Variants in ABCA6 observed in about 807,000 individuals in gnomAD.
ABCA6 encodes ATP-binding cassette sub-family A member 6.
In ABCA6, 164 loss-of-function variants were observed where a neutral mutation model predicts 191.2. That is an observed-to-expected ratio of 0.86 (90% CI 0.76 to 0.98). ABCA6 has a LOEUF of 0.98. ABCA6 is among the 50% of genes least tolerant of loss of function. The pLI, the probability that ABCA6 is intolerant of heterozygous loss-of-function variation, is 0.00. For missense variants in ABCA6, 1,958 were observed against 1,894.1 expected (o/e 1.03, Z -0.63); for synonymous variants, 636 against 647.7 (o/e 0.98, Z 0.27).
At chr17:69,086,566 C>T (rs1427903377) in intron 30 of ABCA6, 52 bp downstream of exon 30, 6 of 1,203,588 alleles carry the variant, frequency 5.0e-6, no homozygotes, top group Admixed American at 1.8e-5. Context: ...CATAGATGTT[C>T]GGTAGGTAGT....
chr17:69,136,495 T>C (rs1037906534), intron 3 of ABCA6, among the ~76,000 whole-genome samples: 1 of 152,150 alleles, frequency 6.6e-6, no homozygotes, highest in Admixed American at 6.6e-5. Context: ...AAGTTTTAGG[T>C]ACATAAAGAA....
At chr17:69,120,407 T>C (rs2073618949) in intron 10 of ABCA6, among the ~76,000 whole-genome samples, 1 of 152,050 alleles carries the variant, frequency 6.6e-6, no homozygotes, top group South Asian at 2.1e-4. Context: ...AACACTTCTA[T>C]TGACTAAATA....
chr17:69,126,073 T>C (rs1004386848), intron 8 of ABCA6, among the ~76,000 whole-genome samples: 10 of 151,842 alleles, frequency 6.6e-5, no homozygotes, highest in African/African-American at 2.4e-4. Flanking sequence ...GAAAAAGAAA[T>C]AAAAAGCATA....
At chr17:69,128,484 TAAC>T in intron 8 of ABCA6, 132 bp downstream of exon 8, 1 of 558,610 alleles carries the variant, frequency 1.8e-6, no homozygotes. Flanking sequence ...AATGTAATAA[TAAC>T]ATTTTAAAGC....
intron 15 of ABCA6, 64 bp from the exon 16 acceptor site, chr17:69,112,337 A>G: frequency 7.6e-7 from 1 of 1,315,210 alleles, no homozygotes; most frequent in Non-Finnish European, 1.1e-6. Flanking sequence ...CTAGTAAAGA[A>G]AGACGAGGAG....
At position 69,090,296 on chromosome 17, in the gene ABCA6, T is replaced by G. The variant is rs191810847; in HGVS notation, c.3529-754A>C. ...CAGAGTGGTACAGAGCTCCAAAAAG[T>G]GTGTTCTCCACTTAACTTTCTTGCC... On this transcript the variant is annotated intron_variant, in intron 26 of 38. Transcript: ENST00000284425. 3.3e-5 allele frequency among the ~76,000 whole-genome samples: 5 copies of G among 152,324 alleles called. No homozygotes were observed. The East Asian group carries it at 9.6e-4, about 29-fold the overall frequency.
In ABCA6 at chr17:69,107,786, A is replaced by G; in HGVS notation, c.2299T>C (p.Ser767Pro). 6.2e-7 allele frequency: 1 copy of G among 1,611,720 alleles called. No individual in the cohort carries two copies. The highest frequency in any genetic ancestry group is 8.5e-7 in the Non-Finnish European group (1 of 1,178,826). ...TCATAACCTGTCACTCCCTGGTCAGAACACTTATCCAGATCACTGAAAAGA... is the reference window on the plus strand; with the variant it reads ...TCATAACCTGTCACTCCCTGGTCAGGACACTTATCCAGATCACTGAAAAGA... ...PDLFSDLDKC[S>P]DQGVTGYDIS... Residue 767 changes from serine to proline, a missense_variant, in exon 18 of 39, where the codon TCT (serine) becomes CCT (proline). Physicochemically the swap from Ser to Pro is moderately conservative, Grantham distance 74 (BLOSUM62 -1). Transcript: ENST00000284425.
chr17:69,087,425 T>C lies in ABCA6; in HGVS notation c.3747A>G (p.Ile1249Met). 6.2e-7 allele frequency: 1 copy of C among 1,614,008 alleles called. No individual in the cohort carries two copies. The highest frequency in any genetic ancestry group is 1.1e-5 in the South Asian group (1 of 91,086). The change falls in exon 29 of 39, where the codon ATA becomes ATG. Residue 1249 changes from isoleucine to methionine, a missense_variant. By Grantham distance (10) the Ile-to-Met change is conservative. Coordinates refer to ENST00000284425, the MANE Select transcript of ABCA6 (RefSeq NM_080284.3). ...RDAKPNPEEP[I>M]DEDEDIQTER... ...CTGTTTGAATATCTTCATCTTCATC[T>C]ATGGGTTCTTCTGGATTTGGCTTAG...
intron 5 of ABCA6, 93 bp from the exon 6 acceptor site, chr17:69,133,960 C>A: frequency 1.1e-6 from 1 of 911,432 alleles, no homozygotes; most frequent in South Asian, 2.0e-5. Flanking sequence ...TATGTCGGTT[C>A]TCCAATTTTT....
intron 6 of ABCA6, 49 bp downstream of exon 6, chr17:69,133,589 GCTT>G (rs2073900991): frequency 1.5e-6 from 2 of 1,313,066 alleles, no homozygotes; most frequent in South Asian, 1.4e-5. Flanking sequence ...CTTTTTCACT[GCTT>G]CTTAATTTTC....
chr17:69,100,992 G>T, intron 21 of ABCA6, 58 bp from the exon 22 acceptor site: 1 of 1,411,348 alleles, frequency 7.1e-7, no homozygotes, highest in Non-Finnish European at 9.6e-7. Flanking sequence ...ACAAAGGCAA[G>T]GTTTATGTAT....
In ABCA6 at chr17:69,123,303, C is replaced by A. The variant is rs2144693850; in HGVS notation, c.1372G>T (p.Glu458Ter). 1 of 1,573,520 alleles carries A rather than the reference C, an allele frequency of 6.4e-7. No homozygotes were observed. Among genetic ancestry groups the A allele is most frequent in the South Asian group, 1.2e-5 (1 of 84,038 alleles). ...AKVIEKEIDAEHPSDDYFEPV... is the reference protein window; with the variant it reads ...AKVIEKEIDA ...TCAAAATAATCATCAGAGGGATGCT[C>A]AGCATCGATTTCTTTCTCAATAACC... is the stretch of plus-strand genomic sequence containing the variant. Residue 458 changes from glutamate to a stop codon, truncating the protein, a stop_gained, in exon 10 of 39, where the codon GAG (glutamate) becomes TAG (stop). Coordinates refer to ENST00000284425, the MANE Select transcript of ABCA6 (RefSeq NM_080284.3). LOFTEE classifies it high-confidence loss of function.
chr17:69,135,980 C>T, intron 4 of ABCA6, 112 bp downstream of exon 4: 1 of 1,045,906 alleles, frequency 9.6e-7, no homozygotes, highest in Non-Finnish European at 1.4e-6. Flanking sequence ...ATGAAATGGG[C>T]TTTCCCTGTT....
intron 10 of ABCA6, among the ~76,000 whole-genome samples, chr17:69,121,772 C>A (rs1206725220): frequency 6.6e-6 from 1 of 151,796 alleles, no homozygotes; most frequent in African/African-American, 2.4e-5. Context: ...TAATATAATA[C>A]AATATTATTT....
intron 6 of ABCA6, among the ~76,000 whole-genome samples, chr17:69,132,727 G>A (rs567896881): frequency 4.6e-5 from 7 of 152,288 alleles, no homozygotes; most frequent in South Asian, 4.1e-4. Context: ...TGATCCACCC[G>A]CCTGGGCCTT....
Position 69,133,499 on chromosome 17 carries a change from A to G in ABCA6, c.791+142T>C, listed in dbSNP as rs983320507. On this transcript the variant is annotated intron_variant, in intron 6 of 38. Transcript: ENST00000284425. The stretch of plus-strand genomic sequence containing the variant: ...ACTATTTTGCATGGCAAAATTTAAC[A>G]GACTAAGTAAAAAACTCAGAACAAA... 4.9e-5 allele frequency: 32 copies of G among 651,716 alleles called. 1 individual carries two copies. The highest frequency in any genetic ancestry group is 2.8e-4 in the South Asian group (12 of 42,936). 40.4% of individuals were successfully genotyped at this position (651,716 alleles called of 1,614,324 possible).
chr17:69,111,586 T>C lies in ABCA6; in HGVS notation c.2132+597A>G, dbSNP rs923513013. On this transcript the variant is annotated intron_variant, in intron 16 of 38. Transcript: ENST00000284425. ...TCTGCATCTGTCCTTGCTGCCACCA[T>C]GTGAAGAAGGGCGTGTTTGCTTTCC... 2.6e-5 allele frequency: 4 copies of C among 152,480 alleles called. No individual in the cohort carries two copies. The Admixed American group carries it at 2.6e-4, about 10-fold the overall frequency. The allele number at this position is 152,480 out of a possible 1,614,324, so 9.4% of individuals were successfully genotyped here. A position where few individuals can be genotyped will look rare whatever the true frequency, so the allele number is the denominator to read the frequency against.
In ABCA6 at chr17:69,114,911, G is replaced by GATTTTTATTATAGATGGT; in HGVS notation, c.1615_1632dup (p.Thr539_Asn544dup). The GATTTTTATTATAGATGGT allele has an allele frequency of 6.2e-7, 1 of 1,610,796 alleles. No individual in the cohort carries two copies. The highest frequency in any genetic ancestry group is 8.5e-7 in the Non-Finnish European group (1 of 1,178,266). On this transcript the variant is annotated inframe_insertion, in exon 13 of 39. Coordinates refer to ENST00000284425, the MANE Select transcript of ABCA6 (RefSeq NM_080284.3). ...TCCTCCAAGTCTTGCATTTCAGAGA[G>GATTTTTATTATAGATGGT]ATTTTTATTATAGATGGTAACTGAT...
At chr17:69,123,487 A>T in intron 9 of ABCA6, 80 bp from the exon 10 acceptor site, 1 of 1,022,146 alleles carries the variant, frequency 9.8e-7, no homozygotes, top group Non-Finnish European at 1.3e-6. Flanking sequence ...AACAATGCAG[A>T]ATGCCTTGAA....
Sources: gnomAD v4.1 joint callset for allele counts (sites outside exome capture counted in the v4.1 genomes callset) on GRCh38, gnomAD v4.1.1 for gene constraint, MANE v1.5 for transcripts, NCBI Gene and HGNC (gene_info 2026-07-23, HGNC 2026-07-21) for gene names.